LOC128462377: variants seen among roughly 807,000 people sequenced by gnomAD.
the LOC128462377 span, among the ~76,000 whole-genome samples, chr16:89,391,926 C>T: frequency 3.9e-5 from 6 of 152,152 alleles, no homozygotes; most frequent in African/African-American, 7.3e-5. Context: ...CCCTGGCATG[C>T]TTATACTGGT....
chr16:89,357,049 T>C, the LOC128462377 span, among the ~76,000 whole-genome samples: 1 of 152,290 alleles, frequency 6.6e-6, no homozygotes, highest in East Asian at 1.9e-4. Flanking sequence ...ACATCTTTTA[T>C]TCTAAAAATC....
chr16:89,352,613 T>C, the LOC128462377 span, among the ~76,000 whole-genome samples: 2 of 152,190 alleles, frequency 1.3e-5, no homozygotes, highest in Non-Finnish European at 2.9e-5. Context: ...CACACTGTGG[T>C]AGATCTTTGA....
At chr16:89,415,839 A>AAAAAAACAAAAAACAAC in the LOC128462377 span, among the ~76,000 whole-genome samples, 42 of 143,910 alleles carry the variant, frequency 2.9e-4, 1 homozygote, top group African/African-American at 1.0e-3. Flanking sequence ...CAAAAAAAAA[A>AAAAAAACAAAAAACAAC]AAAAAAAAAA....
chr16:89,349,267 G>A, the LOC128462377 span, among the ~76,000 whole-genome samples: 7 of 150,788 alleles, frequency 4.6e-5, no homozygotes, highest in East Asian at 3.9e-4. Context: ...AGTGGCTCAC[G>A]CCTGTAATCC....
At chr16:89,323,747 C>G in the LOC128462377 span, 1 of 263,436 alleles carries the variant, frequency 3.8e-6, no homozygotes, top group East Asian at 1.3e-4. Flanking sequence ...GAGTCCAACT[C>G]TCTCTCCTTC....
the LOC128462377 span, among the ~76,000 whole-genome samples, chr16:89,345,252 C>T: frequency 1.4e-5 from 2 of 140,518 alleles, no homozygotes; most frequent in Non-Finnish European, 1.6e-5. Flanking sequence ...CAAGCCCCCC[C>T]TCCCCACCCC....
chr16:89,380,166 G>A, the LOC128462377 span, among the ~76,000 whole-genome samples: 1 of 152,120 alleles, frequency 6.6e-6, no homozygotes, highest in African/African-American at 2.4e-5. Flanking sequence ...AGGCTGGAGA[G>A]CGATGGCGTG....
the LOC128462377 span, among the ~76,000 whole-genome samples, chr16:89,380,696 G>A: frequency 6.6e-6 from 1 of 152,256 alleles, no homozygotes; most frequent in African/African-American, 2.4e-5. Flanking sequence ...AAAGCCTGAC[G>A]AGTACCTGCC....
chr16:89,324,187 CA>C, the LOC128462377 span: 2 of 1,167,802 alleles, frequency 1.7e-6, no homozygotes, highest in Non-Finnish European at 2.2e-6. Context: ...CGGGGGGTGG[CA>C]GCACCGAGAG....
At chr16:89,384,879 C>CTTTTTCTTTTTTTTT in the LOC128462377 span, among the ~76,000 whole-genome samples, 2 of 49,910 alleles carry the variant, frequency 4.0e-5, no homozygotes, top group African/African-American at 1.6e-4. Context: ...AAATAGTTTT[C>CTTTTTCTTTTTTTTT]TTTTTTTTTT....
chr16:89,359,499 A>C, the LOC128462377 span, among the ~76,000 whole-genome samples: 1 of 152,208 alleles, frequency 6.6e-6, no homozygotes, highest in East Asian at 1.9e-4. Context: ...TGCAGATGGC[A>C]GCACTGTGAC....
the LOC128462377 span, among the ~76,000 whole-genome samples, chr16:89,396,773 G>A: frequency 2.0e-5 from 3 of 152,244 alleles, no homozygotes; most frequent in South Asian, 2.1e-4. Context: ...TGCAACCTCC[G>A]CCTCCCAGGT....
chr16:89,371,745 T>C, the LOC128462377 span, among the ~76,000 whole-genome samples: 2 of 152,242 alleles, frequency 1.3e-5, no homozygotes, highest in Non-Finnish European at 2.9e-5. Flanking sequence ...GACTCCCTCC[T>C]GCACCCCCTC....
chr16:89,358,878 C>T, the LOC128462377 span, among the ~76,000 whole-genome samples: 6 of 151,968 alleles, frequency 3.9e-5, no homozygotes, highest in Non-Finnish European at 7.4e-5. Context: ...CAGGCTGGAG[C>T]GCAGTGGTGC....
chr16:89,334,726 C>T, the LOC128462377 span, among the ~76,000 whole-genome samples: 1 of 152,066 alleles, frequency 6.6e-6, no homozygotes, highest in Non-Finnish European at 1.5e-5. Context: ...AGGCCGCCAA[C>T]CACGTCATAC....
At chr16:89,341,635 C>T in the LOC128462377 span, among the ~76,000 whole-genome samples, 9 of 152,240 alleles carry the variant, frequency 5.9e-5, no homozygotes, top group Admixed American at 2.6e-4. Flanking sequence ...TAAATCCCAC[C>T]GTTAACACTG....
the LOC128462377 span, among the ~76,000 whole-genome samples, chr16:89,403,100 A>G: frequency 5.9e-5 from 9 of 152,152 alleles, no homozygotes; most frequent in Non-Finnish European, 1.3e-4. Context: ...CTGCACGTGG[A>G]CACATCATCA....
At chr16:89,399,245 A>C in the LOC128462377 span, among the ~76,000 whole-genome samples, 1 of 152,106 alleles carries the variant, frequency 6.6e-6, no homozygotes, top group African/African-American at 2.4e-5. Flanking sequence ...TTCTTCATTT[A>C]TCCGTAAGAG....
chr16:89,353,050 G>A, the LOC128462377 span, among the ~76,000 whole-genome samples: 1 of 152,188 alleles, frequency 6.6e-6, no homozygotes, highest in African/African-American at 2.4e-5. Flanking sequence ...TATAACAAGA[G>A]AAAGTAGGGC....
Sources: gnomAD v4.1 joint callset for allele counts (sites outside exome capture counted in the v4.1 genomes callset) on GRCh38, gnomAD v4.1.1 for gene constraint, MANE v1.5 for transcripts.